Variants in BCAT1 observed in about 807,000 individuals in gnomAD.
The protein encoded by BCAT1 is branched chain amino acid transaminase 1, also known as branched-chain-amino-acid aminotransferase, cytosolic.
In BCAT1, 48 loss-of-function variants were observed where a neutral mutation model predicts 52.4. That is an observed-to-expected ratio of 0.92 (90% CI 0.73 to 1.16). The LOEUF is 1.16. BCAT1 is among the 50% of genes most tolerant of loss of function. BCAT1 has a pLI of 0.00. For synonymous variants in BCAT1, 167 were observed against 161.3 expected (o/e 1.04, Z -0.27); for missense variants, 451 against 457.1 (o/e 0.99, Z 0.12).
At chr12:24,880,892 G>A (rs777340816) in intron 4 of BCAT1, among the ~76,000 whole-genome samples, 4 of 151,354 alleles carry the variant, frequency 2.6e-5, no homozygotes, top group Non-Finnish European at 5.9e-5. Flanking sequence ...CTGGAGGGCA[G>A]TGATGTGATT....
chr12:24,878,693 A>G (rs1314452642), intron 4 of BCAT1, 44 bp from the exon 5 acceptor site: 5 of 1,539,590 alleles, frequency 3.2e-6, no homozygotes, highest in East Asian at 2.3e-5. Flanking sequence ...TTTTCTCACA[A>G]TGTGGCAATA....
In BCAT1 at chr12:24,812,056, T is replaced by C. The variant is rs1210524076; in HGVS notation, c.*5952A>G. 1 of 152,108 alleles carries C rather than the reference T, an allele frequency of 6.6e-6. No individual in the cohort carries two copies. Among genetic ancestry groups the C allele is most frequent in the African/African-American group, 2.4e-5 (1 of 41,454 alleles). The allele number at this position is 152,108 out of a possible 1,614,324, so 9.4% of individuals were successfully genotyped here. A position where few individuals can be genotyped will look rare whatever the true frequency, so the allele number is the denominator to read the frequency against. ...AGGAAACATTTGCAGAATTTAGAAA[T>C]GCATCCAGATTTGTGAGTTTATTTT... On this transcript the variant is annotated 3_prime_UTR_variant, in exon 11 of 11. Coordinates refer to ENST00000261192, the MANE Select transcript of BCAT1 (RefSeq NM_005504.7).
At chr12:24,887,597 A>T (rs146055321) in intron 3 of BCAT1, among the ~76,000 whole-genome samples, 52 of 152,360 alleles carry the variant, frequency 3.4e-4, no homozygotes, top group African/African-American at 1.2e-3. Flanking sequence ...TCTGAATGGG[A>T]CACGCGAGGG....
At chr12:24,873,065 G>C (rs1942227248) in intron 5 of BCAT1, among the ~76,000 whole-genome samples, 1 of 152,230 alleles carries the variant, frequency 6.6e-6, no homozygotes, top group Admixed American at 6.5e-5. Context: ...CACTGTACCT[G>C]CATGGAGTTA....
At chr12:24,891,212 T>A (rs1056101868) in intron 3 of BCAT1, among the ~76,000 whole-genome samples, 2 of 152,228 alleles carry the variant, frequency 1.3e-5, no homozygotes, top group African/African-American at 2.4e-5. Context: ...ACTGCCATCC[T>A]GAGGAGACCA....
chr12:24,891,963 T>G (rs1291005875), intron 3 of BCAT1, among the ~76,000 whole-genome samples: 1 of 151,826 alleles, frequency 6.6e-6, no homozygotes, highest in African/African-American at 2.4e-5. Flanking sequence ...TTCACCATGT[T>G]AGCCAGGATG....
chr12:24,903,595 CG>C (rs1943172130), intron 1 of BCAT1: 1 of 152,150 alleles, frequency 6.6e-6, no homozygotes, highest in Non-Finnish European at 1.5e-5. Flanking sequence ...ATTTGTAACT[CG>C]GGGTGTTATG....
intron 8 of BCAT1, chr12:24,834,717 T>C: frequency 9.5e-7 from 1 of 1,049,414 alleles, no homozygotes; most frequent in Non-Finnish European, 1.2e-6. Flanking sequence ...TTTCAATTTC[T>C]CTCAGTCTAC....
intron 5 of BCAT1, among the ~76,000 whole-genome samples, chr12:24,854,922 G>A (rs931499147): frequency 7.2e-5 from 11 of 152,038 alleles, no homozygotes; most frequent in African/African-American, 2.4e-4. Flanking sequence ...CTTTCTTCCC[G>A]CTGAGCCTTC....
At chr12:24,892,570 T>C (rs1368886794) in intron 3 of BCAT1, among the ~76,000 whole-genome samples, 2 of 152,110 alleles carry the variant, frequency 1.3e-5, no homozygotes, top group Non-Finnish European at 2.9e-5. Context: ...TAAAAGCACA[T>C]AGCCAGGAGC....
At position 24,813,761 on chromosome 12, in the gene BCAT1, GA is replaced by G. The variant is rs1388670073; in HGVS notation, c.*4246del. ...AGAAGGATAAAGTTGCTTTAAAAAT[GA>G]GATAAACTATTCATTGATTTCTTGA... On this transcript the variant is annotated 3_prime_UTR_variant, in exon 11 of 11. Coordinates refer to ENST00000261192, the MANE Select transcript of BCAT1 (RefSeq NM_005504.7). 1 of 152,026 alleles carries G rather than the reference GA, an allele frequency of 6.6e-6. No homozygotes were observed. The highest frequency in any genetic ancestry group is 2.4e-5 in the African/African-American group (1 of 41,434). The allele number at this position is 152,026 out of a possible 1,614,324, so 9.4% of individuals were successfully genotyped here.
chr12:24,927,333 G>A (rs1022162176), intron 1 of BCAT1, among the ~76,000 whole-genome samples: 6 of 151,832 alleles, frequency 4.0e-5, no homozygotes, highest in Admixed American at 3.9e-4. Flanking sequence ...GAAAAGAAAA[G>A]AAAAAAATCA....
At chr12:24,947,219 C>T (rs1943945524) in intron 1 of BCAT1, among the ~76,000 whole-genome samples, 1 of 149,710 alleles carries the variant, frequency 6.7e-6, no homozygotes, top group African/African-American at 2.5e-5. Flanking sequence ...ACACGGACTT[C>T]CCTTGCCTCC....
At position 24,894,452 on chromosome 12, in the gene BCAT1, T is replaced by A; in HGVS notation, c.102A>T (p.Pro34=). 6.3e-7 allele frequency: 1 copy of A among 1,596,946 alleles called. No individual in the cohort carries two copies. Among genetic ancestry groups the A allele is most frequent in the Non-Finnish European group, 8.5e-7 (1 of 1,170,838 alleles). ...TFKAKDLIVT[P]ATILKEKPDP... is the part of the protein sequence containing the mutation. ...CTGGTTTTTCCTTTAAAATGGTAGCTGGTGTGACTATTAGGTCTTTAGCCT... is the reference window on the plus strand; with the variant it reads ...CTGGTTTTTCCTTTAAAATGGTAGCAGGTGTGACTATTAGGTCTTTAGCCT... Residue 34 remains proline (P), a synonymous_variant, in exon 3 of 11, where the codon CCA becomes CCT. Coordinates refer to ENST00000261192, the MANE Select transcript of BCAT1 (RefSeq NM_005504.7).
At chr12:24,905,750 G>T (rs1943215664) in intron 1 of BCAT1, among the ~76,000 whole-genome samples, 1 of 152,152 alleles carries the variant, frequency 6.6e-6, no homozygotes, top group East Asian at 1.9e-4. Flanking sequence ...TAACCTAGGG[G>T]CAAGAGAAAC....
At chr12:24,859,544 C>T (rs1029039089) in intron 5 of BCAT1, among the ~76,000 whole-genome samples, 4 of 148,950 alleles carry the variant, frequency 2.7e-5, no homozygotes, top group African/African-American at 1.0e-4. Flanking sequence ...TGGTGTGAAC[C>T]CGGGAGACGG....
rs1414866762 is a variant in BCAT1, at chr12:24,837,039, AAAAGAAAAG to A, written c.818-452_818-444del. ...AAAGAAAAAAGAAAGAAAGAAAGAA[AAAAGAAAAG>A]AAAAGAAAGAGAGAAGGAAAGAAAG... On this transcript the variant is annotated intron_variant, in intron 7 of 10. Transcript: ENST00000261192. 3.7e-5 allele frequency among the ~76,000 whole-genome samples: 5 copies of A among 134,784 alleles called. 1 individual carries two copies. Among genetic ancestry groups the A allele is most frequent in the Non-Finnish European group, 6.6e-5 (4 of 60,480 alleles). 88.4% of individuals were successfully genotyped at this position (134,784 alleles called of 152,430 possible).
At position 24,815,257 on chromosome 12, in the gene BCAT1, A is replaced by T. The variant is rs939322019; in HGVS notation, c.*2751T>A. ...AGGAAGAGAACATGCAATATAAGTT[A>T]ATCATTATCATTTTAAGTGCCACCA... On this transcript the variant is annotated 3_prime_UTR_variant, in exon 11 of 11. Transcript: ENST00000261192. 6.6e-6 allele frequency: 1 copy of T among 152,348 alleles called. No homozygotes were observed. The highest frequency in any genetic ancestry group is 2.4e-5 in the African/African-American group (1 of 41,470). 9.4% of individuals were successfully genotyped at this position (152,348 alleles called of 1,614,324 possible).
chr12:24,943,810 C>T lies in BCAT1; in HGVS notation c.6+5117G>A, dbSNP rs553910961. 6.6e-5 allele frequency among the ~76,000 whole-genome samples: 10 copies of T among 151,936 alleles called. No individual in the cohort carries two copies. In the East Asian group the frequency reaches 7.8e-4, roughly 12 times the overall value. On this transcript the variant is annotated intron_variant, in intron 1 of 10. Coordinates refer to ENST00000261192, the MANE Select transcript of BCAT1 (RefSeq NM_005504.7). Reference sequence around the variant, plus strand: ...CCTTCCTGGCTAACATGGTGAAACCCCGTCTCTACAAAAAATACAAAAAAT... The same window carrying T: ...CCTTCCTGGCTAACATGGTGAAACCTCGTCTCTACAAAAAATACAAAAAAT...
Sources: allele counts gnomAD v4.1 joint callset (sites outside exome capture counted in the v4.1 genomes callset), GRCh38; gene constraint gnomAD v4.1.1; transcripts MANE v1.5; gene names NCBI Gene and HGNC (gene_info 2026-07-23, HGNC 2026-07-21).